NOS1: variants seen among roughly 807,000 people sequenced by gnomAD.
NOS1 encodes NOS type I.
In NOS1, 51 loss-of-function variants were observed where a neutral mutation model predicts 164.5. The observed-to-expected ratio is 0.31, with a 90% CI of 0.25 to 0.39. The LOEUF is 0.39. Ranked by LOEUF, NOS1 falls within the 10% of genes least tolerant of loss-of-function variation. NOS1 has a pLI of 1.00. For synonymous variants in NOS1, 719 were observed against 745.8 expected (o/e 0.96, Z 0.59); for missense variants, 1,362 against 1,885.6 (o/e 0.72, Z 5.14).
At chr12:117,342,509 A>G (rs930967226) in intron 1 of NOS1, among the ~76,000 whole-genome samples, 1 of 152,120 alleles carries the variant, frequency 6.6e-6, no homozygotes, top group Admixed American at 6.6e-5. Flanking sequence ...TGGAGGACAG[A>G]GACCAGCGTG....
At chr12:117,229,545 T>C (rs535126963) in intron 22 of NOS1, among the ~76,000 whole-genome samples, 210 of 148,452 alleles carry the variant, frequency 1.4e-3, no homozygotes, top group African/African-American at 4.3e-3. Context: ...CTAATACATA[T>C]GGGTTATATC....
At chr12:117,302,348 A>G (rs925435035) in intron 3 of NOS1, among the ~76,000 whole-genome samples, 1 of 152,208 alleles carries the variant, frequency 6.6e-6, no homozygotes, top group Admixed American at 6.5e-5. Flanking sequence ...TAATCCCAGC[A>G]CTTTGGGAGG....
intron 27 of NOS1, among the ~76,000 whole-genome samples, chr12:117,219,639 C>G (rs936311895): frequency 6.6e-6 from 1 of 151,988 alleles, no homozygotes; most frequent in African/African-American, 2.4e-5. Flanking sequence ...CTGCAAAATC[C>G]TGGGGAATCT....
chr12:117,284,941 T>G (rs1032058842), intron 7 of NOS1, among the ~76,000 whole-genome samples: 5 of 151,134 alleles, frequency 3.3e-5, no homozygotes, highest in African/African-American at 1.2e-4. Flanking sequence ...TCCCAGCTAC[T>G]CGGTAGGCTG....
rs371971228 is a variant in NOS1, at chr12:117,330,956, C to T, written c.114G>A (p.Lys38=). The change falls in exon 2 of 29, where the codon AAG becomes AAA. Residue 38 remains lysine (K), a synonymous_variant. Transcript: ENST00000317775. The surrounding 1 kb of genome is among the most constrained non-coding windows in gnomAD (Gnocchi z 4.6). ...LGFLVKERVS[K]PPVIISDLIR... ...TCAGGTCAGAGATGATCACGGGCGGCTTACTGACCCGCTCCTTCACCAGAA... is the reference window on the plus strand; with the variant it reads ...TCAGGTCAGAGATGATCACGGGCGGTTTACTGACCCGCTCCTTCACCAGAA... 5.6e-6 allele frequency: 9 copies of T among 1,614,060 alleles called. No individual in the cohort carries two copies. Among genetic ancestry groups the T allele is most frequent in the Non-Finnish European group, 7.6e-6 (9 of 1,180,038 alleles).
At chr12:117,262,466 G>C (rs1030448062) in intron 13 of NOS1, among the ~76,000 whole-genome samples, 1 of 139,128 alleles carries the variant, frequency 7.2e-6, no homozygotes, top group African/African-American at 2.8e-5. Flanking sequence ...GGAGAGGGAG[G>C]GAGGGAGAGA....
chr12:117,323,930 C>T (rs1335681271), intron 2 of NOS1, among the ~76,000 whole-genome samples: 1 of 152,014 alleles, frequency 6.6e-6, no homozygotes, highest in Non-Finnish European at 1.5e-5. Flanking sequence ...TACAGGCACG[C>T]ACCACCACGT....
intron 5 of NOS1, among the ~76,000 whole-genome samples, chr12:117,287,204 A>T (rs1371854960): frequency 6.6e-6 from 1 of 151,992 alleles, no homozygotes; most frequent in Non-Finnish European, 1.5e-5. Flanking sequence ...ACAGAGCAAG[A>T]CTCTGTCTCA....
rs1368606834 is a variant in NOS1 at position 117,285,307 on chromosome 12, G to A, written c.1316C>T (p.Thr439Met). 1.9e-6 allele frequency: 3 copies of A among 1,610,158 alleles called. No individual in the cohort carries two copies. The highest frequency in any genetic ancestry group is 1.7e-5 in the Admixed American group (1 of 59,860). ...LQVFDARDCT[T>M]AHGMFNYICN... is the part of the protein sequence containing the mutation. Reference sequence around the variant, plus strand: ...GATGTAGTTGAACATCCCGTGGGCCGTGGTGCAGTCACGGGCATCGAATAC... The same window carrying A: ...GATGTAGTTGAACATCCCGTGGGCCATGGTGCAGTCACGGGCATCGAATAC... Residue 439 changes from threonine (T) to methionine (M), a missense_variant, in exon 7 of 29, where the codon ACG becomes ATG. Around this residue, in one of 4 missense-constraint regions of NOS1, gnomAD observed 129 missense variants for 186.0 expected, o/e 0.69. Coordinates refer to ENST00000317775, the MANE Select transcript of NOS1 (RefSeq NM_000620.5).
intron 20 of NOS1, among the ~76,000 whole-genome samples, chr12:117,236,589 T>C (rs1320998060): frequency 6.6e-6 from 1 of 152,112 alleles, no homozygotes; most frequent in African/African-American, 2.4e-5. Flanking sequence ...CACACCAGTC[T>C]TTGGTTCCTG....
chr12:117,226,848 A>G, intron 23 of NOS1, 78 bp from the exon 24 acceptor site: 1 of 1,078,966 alleles, frequency 9.3e-7, no homozygotes, highest in African/African-American at 1.5e-5. Flanking sequence ...AGTGCAAAAT[A>G]CCCACAGGCC....
chr12:117,328,993 T>G (rs1236922624), intron 2 of NOS1, among the ~76,000 whole-genome samples: 1 of 152,196 alleles, frequency 6.6e-6, no homozygotes, highest in African/African-American at 2.4e-5. Flanking sequence ...AACACAATTG[T>G]AAGGATCTGT....
chr12:117,262,698 G>A (rs779794138), intron 13 of NOS1, among the ~76,000 whole-genome samples: 2 of 152,142 alleles, frequency 1.3e-5, no homozygotes, highest in African/African-American at 4.8e-5. Flanking sequence ...TGAGGAAACA[G>A]AGTAGTGTCT....
At chr12:117,302,189 G>C (rs1318067542) in intron 3 of NOS1, 2 of 418,858 alleles carry the variant, frequency 4.8e-6, no homozygotes, top group African/African-American at 2.0e-5. Context: ...ATTAGGTCCT[G>C]TTGTTATGGT....
chr12:117,224,274 TTATTTTATTTTA>T lies in NOS1; in HGVS notation c.3826+730_3826+741del, dbSNP rs527881504. On this transcript the variant is annotated intron_variant, in intron 25 of 28. Transcript: ENST00000317775. ...ATTAGGTGCTCAATAAATCCTTGTT[TTATTTTATTTTA>T]TATTTTATTTTTTTTCTCAGACGGA... Among the ~76,000 whole-genome samples the T allele has an allele frequency of 6.8e-4, 103 of 152,226 alleles. No individual in the cohort carries two copies. The East Asian group carries it at 0.019, about 27-fold the overall frequency.
intron 3 of NOS1, among the ~76,000 whole-genome samples, chr12:117,301,070 A>T (rs1873782830): frequency 6.6e-6 from 1 of 152,196 alleles, no homozygotes; most frequent in South Asian, 2.1e-4. Flanking sequence ...GTTGAGGTGC[A>T]TATCAAATGA....
At chr12:117,317,217 C>T (rs1244270851) in intron 2 of NOS1, among the ~76,000 whole-genome samples, 2 of 151,862 alleles carry the variant, frequency 1.3e-5, no homozygotes, top group Non-Finnish European at 2.9e-5. Context: ...ATATTGAGAG[C>T]TCACAGAAGG....
chr12:117,211,563 G>A lies in NOS1; in HGVS notation c.*3746C>T, dbSNP rs1956529389. The A allele has an allele frequency of 3.0e-6, 3 of 985,400 alleles. No individual in the cohort carries two copies. Among genetic ancestry groups the A allele is most frequent in the Non-Finnish European group, 3.6e-6 (3 of 829,994 alleles). 61.0% of individuals were successfully genotyped at this position (985,400 alleles called of 1,614,324 possible). On this transcript the variant is annotated 3_prime_UTR_variant, in exon 29 of 29. Coordinates refer to ENST00000317775, the MANE Select transcript of NOS1 (RefSeq NM_000620.5). ...GTAATGCCACTCACCTCTCCCCACG[G>A]TCTGGTCCCAGCCCACCTTTTCTCA...
intron 2 of NOS1, among the ~76,000 whole-genome samples, chr12:117,324,868 C>A (rs1034653041): frequency 2.0e-5 from 3 of 152,208 alleles, no homozygotes; most frequent in Non-Finnish European, 4.4e-5. Flanking sequence ...ATAAGACTGT[C>A]TTTAGAGTAA....
Sources: gnomAD v4.1 joint callset for allele counts (sites outside exome capture counted in the v4.1 genomes callset) on GRCh38, gnomAD v4.1.1 for gene constraint, gnomAD v4.1.1 regional missense constraint, Gnocchi (gnomAD v3.1) non-coding constraint, MANE v1.5 for transcripts, NCBI Gene and HGNC (gene_info 2026-07-23, HGNC 2026-07-21) for gene names.